SH3GL2: variants seen among roughly 807,000 people sequenced by gnomAD.
The protein encoded by SH3GL2 is SH3 domain containing GRB2 like 2, endophilin A1.
In SH3GL2, 24 loss-of-function variants were observed where a neutral mutation model predicts 46.0. The observed-to-expected ratio is 0.52, with a 90% CI of 0.38 to 0.73. The LOEUF is 0.73. Ranked by LOEUF, SH3GL2 falls within the 30% of genes least tolerant of loss-of-function variation. The pLI, the probability that SH3GL2 is intolerant of heterozygous loss-of-function variation, is 0.00. For synonymous variants in SH3GL2, 196 were observed against 147.1 expected, an observed-to-expected ratio of 1.33 and a Z score of -2.40; for missense variants, 413 against 424.2, an observed-to-expected ratio of 0.97 and a Z score of 0.23.
chr9:17,748,188 T>C (rs945387877), intron 2 of SH3GL2, among the ~76,000 whole-genome samples: 2 of 152,228 alleles, frequency 1.3e-5, no homozygotes, highest in East Asian at 3.9e-4. Context: ...TTTAACGCTC[T>C]TCAGAACAGG....
chr9:17,604,175 C>T (rs996556053), intron 1 of SH3GL2, among the ~76,000 whole-genome samples: 1 of 152,166 alleles, frequency 6.6e-6, no homozygotes, highest in Non-Finnish European at 1.5e-5. Flanking sequence ...TATTTACCCC[C>T]TCCTGCGTGG....
intron 1 of SH3GL2, among the ~76,000 whole-genome samples, chr9:17,704,053 G>T (rs540971067): frequency 6.6e-5 from 10 of 152,078 alleles, no homozygotes; most frequent in Non-Finnish European, 1.5e-4. Context: ...CATAGTCTCT[G>T]CCAGAAAGCT....
chr9:17,768,077 G>C (rs763324618), intron 3 of SH3GL2, among the ~76,000 whole-genome samples: 8 of 152,088 alleles, frequency 5.3e-5, no homozygotes, highest in Non-Finnish European at 1.2e-4. Flanking sequence ...TTGCTTAAAA[G>C]ATTCTTAATC....
intron 1 of SH3GL2, among the ~76,000 whole-genome samples, chr9:17,639,290 T>C (rs1819616928): frequency 6.6e-6 from 1 of 152,126 alleles, no homozygotes; most frequent in Non-Finnish European, 1.5e-5. Context: ...TGGGAGAAAA[T>C]ATTGTAAAGC....
chr9:17,613,023 T>G (rs191097917), intron 1 of SH3GL2, among the ~76,000 whole-genome samples: 328 of 152,368 alleles, frequency 2.2e-3, no homozygotes, highest in Non-Finnish European at 3.8e-3. Context: ...ATTCCTTTTT[T>G]ACTGCTGTCA....
chr9:17,731,083 C>G (rs545518459), intron 1 of SH3GL2, among the ~76,000 whole-genome samples: 4 of 152,062 alleles, frequency 2.6e-5, no homozygotes, highest in African/African-American at 4.8e-5. Flanking sequence ...GAAAGCAAAA[C>G]GTTGTATAGT....
intron 6 of SH3GL2, among the ~76,000 whole-genome samples, chr9:17,790,201 G>A (rs1824083876): frequency 6.6e-6 from 1 of 152,090 alleles, no homozygotes; most frequent in South Asian, 2.1e-4. Context: ...ATTCTATCTG[G>A]GTCCTGAGCT....
At chr9:17,713,282 A>G (rs1017968318) in intron 1 of SH3GL2, among the ~76,000 whole-genome samples, 1 of 151,546 alleles carries the variant, frequency 6.6e-6, no homozygotes, top group African/African-American at 2.4e-5. Context: ...TTGATAATTT[A>G]TGTATTCTTT....
Position 17,715,465 on chromosome 9 carries a change from C to T in SH3GL2, c.46-31601C>T, listed in dbSNP as rs559659685. Among the ~76,000 whole-genome samples, 116 of 151,854 alleles carry T rather than the reference C, an allele frequency of 7.6e-4. 3 individuals are homozygous for T. In the South Asian group the frequency reaches 0.023, roughly 30 times the overall value. On this transcript the variant is annotated intron_variant, in intron 1 of 8. Coordinates refer to ENST00000380607, the MANE Select transcript of SH3GL2 (RefSeq NM_003026.5). ...TCACTTACTCTTCTGTTAACTCACT[C>T]GATATTGTCCTATATCTCACTGATT...
At chr9:17,780,367 C>G (rs1823767428) in intron 3 of SH3GL2, among the ~76,000 whole-genome samples, 2 of 152,014 alleles carry the variant, frequency 1.3e-5, no homozygotes, top group Admixed American at 6.6e-5. Context: ...TCTCATTGCT[C>G]TGTAGAATTC....
chr9:17,707,553 A>G lies in SH3GL2; in HGVS notation c.46-39513A>G, dbSNP rs148622618. Among the ~76,000 whole-genome samples, 329 of 152,216 alleles carry G rather than the reference A, an allele frequency of 2.2e-3. 3 individuals carry two copies. The highest frequency in any genetic ancestry group is 7.6e-3 in the African/African-American group (317 of 41,558). ...ACTTTGTGCTATGCAACTGTGCTGTACTAACTTTGTGCTATGCAACAGTCA... is the reference window on the plus strand; with the variant it reads ...ACTTTGTGCTATGCAACTGTGCTGTGCTAACTTTGTGCTATGCAACAGTCA... On this transcript the variant is annotated intron_variant, in intron 1 of 8. Transcript: ENST00000380607.
intron 1 of SH3GL2, among the ~76,000 whole-genome samples, chr9:17,594,110 C>T (rs1191603745): frequency 6.6e-6 from 1 of 152,164 alleles, no homozygotes; most frequent in East Asian, 1.9e-4. Context: ...TCTTAAAACT[C>T]TTCAGTGGCT....
chr9:17,612,909 C>A (rs1818901135), intron 1 of SH3GL2, among the ~76,000 whole-genome samples: 1 of 152,144 alleles, frequency 6.6e-6, no homozygotes, highest in South Asian at 2.1e-4. Flanking sequence ...TTGGATTTGT[C>A]TATTCTGGTC....
chr9:17,778,730 C>A (rs1275284280), intron 3 of SH3GL2, among the ~76,000 whole-genome samples: 3 of 152,010 alleles, frequency 2.0e-5, no homozygotes, highest in Admixed American at 1.3e-4. Flanking sequence ...GTAGCTTAGA[C>A]CAGAGTGAGA....
chr9:17,746,552 C>T (rs1822693028), intron 1 of SH3GL2, among the ~76,000 whole-genome samples: 1 of 152,188 alleles, frequency 6.6e-6, no homozygotes, highest in African/African-American at 2.4e-5. Flanking sequence ...ATGAGACAGA[C>T]TATACTATAC....
At chr9:17,674,247 G>T (rs534860836) in intron 1 of SH3GL2, among the ~76,000 whole-genome samples, 21 of 152,218 alleles carry the variant, frequency 1.4e-4, no homozygotes, top group African/African-American at 4.6e-4. Flanking sequence ...AACATTTTGT[G>T]TGTATGTGTG....
Position 17,738,056 on chromosome 9 carries a change from T to G in SH3GL2, c.46-9010T>G, listed in dbSNP as rs569706969. 2.0e-5 allele frequency among the ~76,000 whole-genome samples: 3 copies of G among 152,240 alleles called. No homozygotes were observed. The East Asian group carries it at 5.8e-4, about 30-fold the overall frequency. ...TGGTTAATGTATGTACACCATTGTA[T>G]TGAAATGATTTGTTTATATATACAG... On this transcript the variant is annotated intron_variant, in intron 1 of 8. Coordinates refer to ENST00000380607, the MANE Select transcript of SH3GL2 (RefSeq NM_003026.5).
chr9:17,651,238 C>G (rs1293333626), intron 1 of SH3GL2, among the ~76,000 whole-genome samples: 1 of 152,036 alleles, frequency 6.6e-6, no homozygotes, highest in African/African-American at 2.4e-5. Flanking sequence ...CTTTGTTAAG[C>G]TTCCTCAAAT....
At chr9:17,719,206 A>G (rs191490650) in intron 1 of SH3GL2, among the ~76,000 whole-genome samples, 1 of 152,278 alleles carries the variant, frequency 6.6e-6, no homozygotes, top group African/African-American at 2.4e-5. Flanking sequence ...AGCAAATACT[A>G]CTTAGTCCTC....
Sources: allele counts gnomAD v4.1 joint callset (sites outside exome capture counted in the v4.1 genomes callset), GRCh38; gene constraint gnomAD v4.1.1; transcripts MANE v1.5; gene names NCBI Gene and HGNC (gene_info 2026-07-23, HGNC 2026-07-21).